PLD1: variants seen among roughly 807,000 people sequenced by gnomAD.
The protein encoded by PLD1 is phospholipase D1, also known as choline phosphatase 1.
A neutral mutation model predicts 137.1 loss-of-function variants in PLD1; 112 were observed. The ratio of observed to expected loss-of-function variants is 0.82; its 90% confidence interval spans 0.70 to 0.96. The LOEUF (loss-of-function observed/expected upper bound fraction) is 0.96, where lower values mean the gene tolerates loss of function less well. Ranked by LOEUF, PLD1 falls within the 40% of genes least tolerant of loss-of-function variation. The pLI, the probability that PLD1 is intolerant of heterozygous loss-of-function variation, is 0.00. For missense variants in PLD1, 1,321 were observed against 1,342.0 expected (o/e 0.98, Z 0.24); for synonymous variants, 431 against 454.7 (o/e 0.95, Z 0.66).
chr3:171,693,481 C>T (rs1715395189), intron 12 of PLD1, among the ~76,000 whole-genome samples: 1 of 151,956 alleles, frequency 6.6e-6, no homozygotes, highest in African/African-American at 2.4e-5. Context: ...ACTCATGGAT[C>T]CCCCTCCAAT....
chr3:171,732,265 C>T (rs1015619987), intron 6 of PLD1, among the ~76,000 whole-genome samples: 33 of 152,176 alleles, frequency 2.2e-4, no homozygotes, highest in Non-Finnish European at 4.9e-4. Context: ...AGAAAAGAAA[C>T]CCCTGCCTCC....
At chr3:171,720,475 G>C (rs1328297863) in intron 8 of PLD1, among the ~76,000 whole-genome samples, 2 of 151,572 alleles carry the variant, frequency 1.3e-5, no homozygotes, top group East Asian at 1.9e-4. Flanking sequence ...CCAGCTACTC[G>C]GAGAGCCTGA....
At chr3:171,803,613 A>C (rs1723733597) in intron 1 of PLD1, among the ~76,000 whole-genome samples, 1 of 152,162 alleles carries the variant, frequency 6.6e-6, no homozygotes, top group African/African-American at 2.4e-5. Context: ...TGCACCTGTA[A>C]TCCCAGCTAC....
chr3:171,726,002 G>A lies in PLD1; in HGVS notation c.665+16C>T. ...CAATTTTTCATACTTCTCTTTTAAG[G>A]TTTATTGCAACTTACATGCCCTTTG... On this transcript the variant is annotated intron_variant, in intron 7 of 26. Transcript: ENST00000351298. The A allele has an allele frequency of 6.4e-7, 1 of 1,567,612 alleles. No homozygotes were observed. Among genetic ancestry groups the A allele is most frequent in the Non-Finnish European group, 8.8e-7 (1 of 1,137,638 alleles).
chr3:171,664,868 C>G (rs566571494), intron 19 of PLD1, among the ~76,000 whole-genome samples: 109 of 152,212 alleles, frequency 7.2e-4, no homozygotes, highest in Non-Finnish European at 1.4e-3. Context: ...GACCTCTCCC[C>G]ATCCCCTAAA....
chr3:171,746,396 A>T (rs189842172), intron 1 of PLD1, among the ~76,000 whole-genome samples: 30 of 152,358 alleles, frequency 2.0e-4, no homozygotes, highest in African/African-American at 4.6e-4. Flanking sequence ...TCCTATATGC[A>T]CCAATCAGCA....
At chr3:171,714,571 G>T (rs17518961) in intron 8 of PLD1, among the ~76,000 whole-genome samples, 41,153 of 152,070 alleles carry the variant, frequency 0.27, 5,998 homozygotes, top group Admixed American at 0.32. Flanking sequence ...GAATAGTAAG[G>T]TTGGAACATC....
chr3:171,731,928 T>C (rs1718978086), intron 6 of PLD1, among the ~76,000 whole-genome samples: 1 of 152,192 alleles, frequency 6.6e-6, no homozygotes, highest in East Asian at 1.9e-4. Context: ...GAAAAGTCAT[T>C]AAAAAGAACA....
intron 23 of PLD1, among the ~76,000 whole-genome samples, chr3:171,627,159 G>T (rs1473518387): frequency 6.6e-6 from 1 of 152,128 alleles, no homozygotes; most frequent in Non-Finnish European, 1.5e-5. Context: ...AAAGGAGGCA[G>T]GAAGATCTAC....
At chr3:171,654,013 C>G (rs1008093733) in intron 21 of PLD1, 2 of 300,566 alleles carry the variant, frequency 6.7e-6, no homozygotes. Context: ...CACTTACAGG[C>G]AAGCAGTAGC....
At chr3:171,722,020 A>C (rs9828579) in intron 8 of PLD1, among the ~76,000 whole-genome samples, 54,762 of 151,872 alleles carry the variant, frequency 0.36, 10,974 homozygotes, top group African/African-American at 0.52. Context: ...TCCACATTTA[A>C]ACATAAACAC....
intron 23 of PLD1, among the ~76,000 whole-genome samples, chr3:171,639,389 A>T (rs1367476721): frequency 2.3e-5 from 3 of 127,754 alleles, no homozygotes; most frequent in Non-Finnish European, 4.6e-5. Context: ...ATAAATATAC[A>T]TGTAAATTAT....
intron 1 of PLD1, among the ~76,000 whole-genome samples, chr3:171,786,024 A>G (rs941531842): frequency 3.3e-5 from 5 of 152,200 alleles, no homozygotes; most frequent in African/African-American, 1.2e-4. Context: ...CACATGCAGT[A>G]GGCCCTCAAT....
chr3:171,633,640 A>T (rs1734865291), intron 23 of PLD1, among the ~76,000 whole-genome samples: 1 of 152,202 alleles, frequency 6.6e-6, no homozygotes, highest in South Asian at 2.1e-4. Flanking sequence ...TATAATTAAA[A>T]AAAGAAGAGA....
At position 171,686,695 on chromosome 3, in the gene PLD1, T is replaced by C. The variant is rs1321189624; in HGVS notation, c.1857A>G (p.Arg619=). The change falls in exon 16 of 27, where the codon AGA becomes AGG. Residue 619 remains arginine (R), a synonymous_variant. Coordinates refer to ENST00000351298, the MANE Select transcript of PLD1 (RefSeq NM_002662.5). ...TCACAAATTACTTACCAGCATGAGG[T>C]CTAGTGAGTCCTTGCTCAGACTCAC... is the stretch of plus-strand genomic sequence containing the variant. The part of the protein sequence containing the change: ...PSSESEQGLT[R]PHADTGSIRS... 9 of 1,558,580 alleles carry C rather than the reference T, an allele frequency of 5.8e-6. No individual in the cohort carries two copies. The highest frequency in any genetic ancestry group is 7.9e-6 in the Non-Finnish European group (9 of 1,134,028).
intron 23 of PLD1, among the ~76,000 whole-genome samples, chr3:171,641,596 G>A (rs910905229): frequency 6.6e-6 from 1 of 152,006 alleles, no homozygotes; most frequent in Non-Finnish European, 1.5e-5. Flanking sequence ...ACATGATTAG[G>A]ATGAGTCCTT....
intron 1 of PLD1, among the ~76,000 whole-genome samples, chr3:171,744,300 C>T (rs1262489600): frequency 1.3e-5 from 2 of 152,222 alleles, no homozygotes; most frequent in African/African-American, 4.8e-5. Flanking sequence ...ACCTGCTCCT[C>T]TTCTGCCTTC....
chr3:171,778,528 A>C (rs1722665418), intron 1 of PLD1, among the ~76,000 whole-genome samples: 1 of 152,246 alleles, frequency 6.6e-6, no homozygotes. Context: ...AGATGGTCAG[A>C]AGAGGCCTCT....
intron 18 of PLD1, among the ~76,000 whole-genome samples, chr3:171,674,979 C>CAAAAAAA (rs376402019): frequency 1.1e-3 from 83 of 73,864 alleles, no homozygotes; most frequent in African/African-American, 1.5e-3. Context: ...ATCTCCATCT[C>CAAAAAAA]AAAAAAAAAA....
Sources: allele counts gnomAD v4.1 joint callset (sites outside exome capture counted in the v4.1 genomes callset), GRCh38; gene constraint gnomAD v4.1.1; transcripts MANE v1.5; gene names NCBI Gene and HGNC (gene_info 2026-07-23, HGNC 2026-07-21).